The following ERGIC2 variants were observed in gnomAD, a reference collection of about 807,000 sequenced individuals.
ERGIC2 encodes endoplasmic reticulum-Golgi intermediate compartment protein 2.
A neutral mutation model predicts 52.5 loss-of-function variants in ERGIC2; 31 were observed. That is an observed-to-expected ratio of 0.59 (90% CI 0.44 to 0.80). The LOEUF is 0.80. Among genes scored for constraint, ERGIC2 ranks in the 30% least tolerant of loss-of-function variants. The pLI, the probability that ERGIC2 is intolerant of heterozygous loss-of-function variation, is 0.00. For synonymous variants in ERGIC2, 129 were observed against 140.6 expected (o/e 0.92, Z 0.58); for missense variants, 395 against 455.2 (o/e 0.87, Z 1.20).
intron 1 of ERGIC2, among the ~76,000 whole-genome samples, chr12:29,372,194 T>A (rs1293388403): frequency 1.3e-5 from 2 of 151,774 alleles, no homozygotes; most frequent in African/African-American, 4.8e-5. Context: ...ATACAAAAAA[T>A]TAGCCAGGTG....
Position 29,366,893 on chromosome 12 carries a change from C to A in ERGIC2, c.317G>T (p.Gly106Val). ...LAETMVASAD[G>V]LVYEPTVFDL... is the part of the protein sequence containing the mutation. ...CAAACTTACTGGTTCATAAACTAAACCATCTGCAGATGCAACCATTGTTTC... is the reference window on the plus strand; with the variant it reads ...CAAACTTACTGGTTCATAAACTAAAACATCTGCAGATGCAACCATTGTTTC... Residue 106 changes from glycine (G) to valine (V), a missense_variant, in exon 5 of 14, where the codon GGT becomes GTT. Physicochemically the swap from Gly to Val is moderately radical, Grantham distance 109. Coordinates refer to ENST00000360150, the MANE Select transcript of ERGIC2 (RefSeq NM_016570.3). The A allele has an allele frequency of 6.2e-7, 1 of 1,602,278 alleles. No homozygotes were observed. Among genetic ancestry groups the A allele is most frequent in the African/African-American group, 1.3e-5 (1 of 74,562 alleles).
In ERGIC2 at chr12:29,341,190, T is replaced by G. The variant is rs1329296903; in HGVS notation, c.1100A>C (p.Asn367Thr). ...SVPFEDGHTDNHLPLLENNTH is the reference protein window; with the variant it reads ...SVPFEDGHTDTHLPLLENNTH ...ATTATTTTCTAAAAGAGGTAAGTGGTTGTCTGTGTGGCCATCCTCAAAAGG... is the reference window on the plus strand; with the variant it reads ...ATTATTTTCTAAAAGAGGTAAGTGGGTGTCTGTGTGGCCATCCTCAAAAGG... Residue 367 changes from asparagine (N) to threonine (T), a missense_variant, in exon 14 of 14, where the codon AAC (asparagine) becomes ACC (threonine). Asn to Thr is a moderately conservative substitution (Grantham distance 65, BLOSUM62 0). Coordinates refer to ENST00000360150, the MANE Select transcript of ERGIC2 (RefSeq NM_016570.3). The G allele has an allele frequency of 2.2e-5, 35 of 1,610,066 alleles. No homozygotes were observed. In the Admixed American group the frequency reaches 5.7e-4, roughly 26 times the overall value.
At chr12:29,362,510 T>A (rs1329018605) in intron 5 of ERGIC2, among the ~76,000 whole-genome samples, 1 of 152,024 alleles carries the variant, frequency 6.6e-6, no homozygotes, top group African/African-American at 2.4e-5. Flanking sequence ...AGCACGAGAA[T>A]TGCTTGAACC....
At position 29,363,045 on chromosome 12, in the gene ERGIC2, T is replaced by C. The variant is rs1034194295; in HGVS notation, c.334-1360A>G. On this transcript the variant is annotated intron_variant, in intron 5 of 13. Transcript: ENST00000360150. ...CTTTGTAGGCCCTATGCTAATTCAT[T>C]ATCTCACTTAACCTTCCTAACCACC... Among the ~76,000 whole-genome samples the C allele has an allele frequency of 9.9e-5, 15 of 152,228 alleles. No homozygotes were observed. In the South Asian group the frequency reaches 1.2e-3, roughly 13 times the overall value.
At position 29,368,426 on chromosome 12, in the gene ERGIC2, T is replaced by C. The variant is rs974493559; in HGVS notation, c.216-139A>G. 11 of 562,446 alleles carry C rather than the reference T, an allele frequency of 2.0e-5. No homozygotes were observed. In the South Asian group the frequency reaches 2.5e-4, roughly 13 times the overall value. The allele number at this position is 562,446 out of a possible 1,614,324, so 34.8% of individuals were successfully genotyped here. Reference sequence around the variant, plus strand: ...ATTAGAACTTGAATTGCATTTCTCATGGCCAAAACAAAGGCTCTTTAAATT... The same window carrying C: ...ATTAGAACTTGAATTGCATTTCTCACGGCCAAAACAAAGGCTCTTTAAATT... On this transcript the variant is annotated intron_variant, in intron 3 of 13. Transcript: ENST00000360150.
At position 29,371,539 on chromosome 12, in the gene ERGIC2, C is replaced by T. The variant is rs769298944; in HGVS notation, c.95G>A (p.Ser32Asn). 2.5e-6 allele frequency: 4 copies of T among 1,606,502 alleles called. No individual in the cohort carries two copies. The highest frequency in any genetic ancestry group is 2.6e-6 in the Non-Finnish European group (3 of 1,176,226). The change falls in exon 2 of 14, where the codon AGT becomes AAT. Residue 32 changes from serine to asparagine, a missense_variant. By Grantham distance (46) the Ser-to-Asn change is conservative. Transcript: ENST00000360150. ...VPESYVETSA[S>N]GGTVSLIAFT... Reference sequence around the variant, plus strand: ...TAACTGATACTCACCTGTACCTCCACTGGCTGAAGTCTCTACATAGCTCTC... The same window carrying T: ...TAACTGATACTCACCTGTACCTCCATTGGCTGAAGTCTCTACATAGCTCTC...
chr12:29,374,704 A>C (rs980581998), intron 1 of ERGIC2, among the ~76,000 whole-genome samples: 6 of 152,106 alleles, frequency 3.9e-5, no homozygotes, highest in African/African-American at 1.4e-4. Flanking sequence ...GACTTAAGCT[A>C]TTTCTAAATT....
chr12:29,380,409 T>C (rs1179373598), intron 1 of ERGIC2, among the ~76,000 whole-genome samples: 6 of 152,112 alleles, frequency 3.9e-5, no homozygotes, highest in African/African-American at 1.4e-4. Context: ...CACTTTGTCT[T>C]TAAGTCTCGG....
At chr12:29,363,676 T>C (rs935533066) in intron 5 of ERGIC2, among the ~76,000 whole-genome samples, 2 of 151,902 alleles carry the variant, frequency 1.3e-5, no homozygotes, top group Non-Finnish European at 2.9e-5. Context: ...TTCTAACATA[T>C]CACTATTGCC....
chr12:29,349,058 C>A, intron 10 of ERGIC2, 21 bp downstream of exon 10: 1 of 1,304,298 alleles, frequency 7.7e-7, no homozygotes, highest in South Asian at 1.3e-5. Flanking sequence ...TAAAATCCAA[C>A]AATAATTATT....
At chr12:29,352,508 C>A (rs1215318172) in intron 8 of ERGIC2, among the ~76,000 whole-genome samples, 1 of 151,854 alleles carries the variant, frequency 6.6e-6, no homozygotes, top group East Asian at 1.9e-4. Flanking sequence ...ACTAAAAATA[C>A]AAAAATTAGC....
At chr12:29,367,574 C>A (rs993518492) in intron 4 of ERGIC2, among the ~76,000 whole-genome samples, 2 of 151,756 alleles carry the variant, frequency 1.3e-5, no homozygotes, top group Non-Finnish European at 3.0e-5. Flanking sequence ...GAGATAGAAT[C>A]TCACAGAAAA....
chr12:29,370,075 TGA>T, intron 3 of ERGIC2, 37 bp downstream of exon 3: 1 of 1,456,360 alleles, frequency 6.9e-7, no homozygotes, highest in Non-Finnish European at 9.0e-7. Flanking sequence ...TAAAACAATT[TGA>T]ATCTAAAGGT....
At chr12:29,372,083 T>C (rs1349871845) in intron 1 of ERGIC2, among the ~76,000 whole-genome samples, 1 of 152,142 alleles carries the variant, frequency 6.6e-6, no homozygotes, top group Admixed American at 6.6e-5. Context: ...CTCACGCCTG[T>C]AATCCCAGTA....
intron 4 of ERGIC2, 150 bp downstream of exon 4, chr12:29,368,091 A>G (rs936267653): frequency 1.6e-6 from 1 of 618,100 alleles, no homozygotes; most frequent in African/African-American, 1.9e-5. Flanking sequence ...GCTGAGGAGT[A>G]AAACAATTTG....
intron 12 of ERGIC2, 39 bp downstream of exon 12, chr12:29,343,081 C>A: frequency 6.6e-7 from 1 of 1,518,652 alleles, no homozygotes; most frequent in South Asian, 1.3e-5. Flanking sequence ...GTATAAGCAA[C>A]ACTTTCAGAA....
Position 29,340,703 on chromosome 12 carries a change from G to C in ERGIC2, c.*453C>G, listed in dbSNP as rs993962818. On this transcript the variant is annotated 3_prime_UTR_variant, in exon 14 of 14. Transcript: ENST00000360150. Reference sequence around the variant, plus strand: ...CCTGATCACAATTCTTTAAAGTCTAGACTAGTTTTCCGTATGTTTTCCACA... The same window carrying C: ...CCTGATCACAATTCTTTAAAGTCTACACTAGTTTTCCGTATGTTTTCCACA... 8.7e-6 allele frequency: 3 copies of C among 344,306 alleles called. No individual in the cohort carries two copies. Among genetic ancestry groups the C allele is most frequent in the African/African-American group, 6.7e-5 (3 of 44,788 alleles). The allele number at this position is 344,306 out of a possible 1,614,324, so 21.3% of individuals were successfully genotyped here. A position where few individuals can be genotyped will look rare whatever the true frequency, so the allele number is the denominator to read the frequency against.
intron 6 of ERGIC2, among the ~76,000 whole-genome samples, chr12:29,360,548 T>C (rs1330276975): frequency 1.4e-5 from 2 of 147,758 alleles, no homozygotes; most frequent in African/African-American, 4.9e-5. Context: ...TAAACTTTTA[T>C]ATATTATAAA....
intron 10 of ERGIC2, among the ~76,000 whole-genome samples, chr12:29,347,847 T>C (rs1458794190): frequency 4.6e-5 from 7 of 152,330 alleles, no homozygotes; most frequent in African/African-American, 1.7e-4. Flanking sequence ...CATTTCAGAA[T>C]ATGACTCTAA....
Sources: gnomAD v4.1 joint callset for allele counts (sites outside exome capture counted in the v4.1 genomes callset) on GRCh38, gnomAD v4.1.1 for gene constraint, MANE v1.5 for transcripts, NCBI Gene and HGNC (gene_info 2026-07-23, HGNC 2026-07-21) for gene names.